Variants in ASB3 observed in about 807,000 individuals in gnomAD.
ASB3 encodes ankyrin repeat and SOCS box protein 3.
Under a neutral mutation model 54.5 loss-of-function variants are expected in ASB3, and 41 were observed. The observed-to-expected ratio is 0.75, with a 90% confidence interval of 0.59 to 0.98. The LOEUF (loss-of-function observed/expected upper bound fraction) is 0.98. Ranked by LOEUF, ASB3 falls within the 50% of genes least tolerant of loss-of-function variation. The pLI is 0.00. For synonymous variants in ASB3, 266 were observed against 221.2 expected, an observed-to-expected ratio of 1.20 and a Z score of -1.80; for missense variants, 733 against 620.0, an observed-to-expected ratio of 1.18 and a Z score of -1.94.
intron 9 of ASB3, among the ~76,000 whole-genome samples, chr2:53,686,333 C>T (rs1236907120): frequency 1.3e-5 from 2 of 152,136 alleles, no homozygotes; most frequent in African/African-American, 2.4e-5. Context: ...AACCAAGGAC[C>T]ATGAACTCTG....
intron 7 of ASB3, among the ~76,000 whole-genome samples, chr2:53,711,605 T>A (rs1175066815): frequency 6.6e-6 from 1 of 152,056 alleles, no homozygotes; most frequent in Admixed American, 6.5e-5. Context: ...TGAAATCCCA[T>A]CTCTTTTAAA....
intron 9 of ASB3, among the ~76,000 whole-genome samples, chr2:53,685,656 A>C (rs1668594424): frequency 6.6e-6 from 1 of 152,234 alleles, no homozygotes; most frequent in Non-Finnish European, 1.5e-5. Flanking sequence ...GATGAGGATT[A>C]TGGCAAGTGA....
At chr2:53,783,056 A>T (rs1407157480) in intron 1 of ASB3, among the ~76,000 whole-genome samples, 1 of 152,108 alleles carries the variant, frequency 6.6e-6, no homozygotes, top group African/African-American at 2.4e-5. Context: ...TACCGGTGTG[A>T]GCCACTATGC....
intron 9 of ASB3, among the ~76,000 whole-genome samples, chr2:53,680,170 G>A (rs1558512349): frequency 6.6e-6 from 1 of 152,144 alleles, no homozygotes; most frequent in Non-Finnish European, 1.5e-5. Context: ...TTGATTCCAT[G>A]TCTTTGTTAC....
At chr2:53,739,387 G>C (rs1206277242) in intron 3 of ASB3, among the ~76,000 whole-genome samples, 2 of 152,130 alleles carry the variant, frequency 1.3e-5, no homozygotes, top group Non-Finnish European at 2.9e-5. Context: ...GAGAAATATG[G>C]TAGACCTATA....
Position 53,729,405 on chromosome 2 carries a change from G to A in ASB3, c.468+53C>T, listed in dbSNP as rs1002386658. 3.2e-6 allele frequency: 5 copies of A among 1,583,116 alleles called. No homozygotes were observed. The African/African-American group carries it at 6.8e-5, about 21-fold the overall frequency. ...AAACTGCATAGGACTGTCATTTTAA[G>A]AGGGTAAAACACACAATTTACATGG... On this transcript the variant is annotated intron_variant, in intron 4 of 9. Coordinates refer to ENST00000263634, the MANE Select transcript of ASB3 (RefSeq NM_016115.5).
intron 3 of ASB3, among the ~76,000 whole-genome samples, chr2:53,745,397 G>T (rs549931442): frequency 1.3e-5 from 2 of 152,260 alleles, no homozygotes; most frequent in South Asian, 4.1e-4. Context: ...TTCTCGTGAG[G>T]TTTTCTCATT....
chr2:53,670,595 G>C lies in ASB3; in HGVS notation c.1465C>G (p.Pro489Ala), dbSNP rs1194476720. 12 of 1,613,794 alleles carry C rather than the reference G, an allele frequency of 7.4e-6. No homozygotes were observed. Among genetic ancestry groups the C allele is most frequent in the African/African-American group, 2.7e-5 (2 of 74,846 alleles). The change falls in exon 10 of 10, where the codon CCA becomes GCA. Residue 489 changes from proline (P) to alanine (A), a missense_variant. Coordinates refer to ENST00000263634, the MANE Select transcript of ASB3 (RefSeq NM_016115.5). Reference protein sequence around the residue: ...LRSDSYISQLPLPRSLHNYLL... With the variant: ...LRSDSYISQLALPRSLHNYLL... ...TAATTATGTAGGCTTCTGGGAAGTG[G>C]CAGCTGACTAATATAACTGTCAGAC...
intron 1 of ASB3, 66 bp from the exon 2 acceptor site, chr2:53,765,651 C>T: frequency 6.3e-7 from 1 of 1,584,894 alleles, no homozygotes; most frequent in Non-Finnish European, 8.6e-7. Context: ...TAGAGGTCAG[C>T]AAATCACGGT....
At chr2:53,675,756 T>C (rs979962873) in intron 9 of ASB3, among the ~76,000 whole-genome samples, 3 of 152,248 alleles carry the variant, frequency 2.0e-5, no homozygotes, top group Non-Finnish European at 4.4e-5. Flanking sequence ...GTGTTTTAAG[T>C]ATGTCAATGA....
intron 5 of ASB3, among the ~76,000 whole-genome samples, chr2:53,723,488 A>G (rs935662693): frequency 6.6e-6 from 1 of 152,048 alleles, no homozygotes; most frequent in Non-Finnish European, 1.5e-5. Flanking sequence ...CCCCCTTCCC[A>G]TCCTTTCCCT....
chr2:53,691,871 T>C (rs1238449872), intron 9 of ASB3, among the ~76,000 whole-genome samples: 1 of 152,098 alleles, frequency 6.6e-6, no homozygotes, highest in Non-Finnish European at 1.5e-5. Flanking sequence ...GAGAGACCAA[T>C]GTAAGCAGGA....
chr2:53,722,439 C>T (rs1670763171), intron 5 of ASB3, among the ~76,000 whole-genome samples: 1 of 152,070 alleles, frequency 6.6e-6, no homozygotes, highest in Admixed American at 6.6e-5. Context: ...AAAATATTAG[C>T]AAATTAAATC....
At chr2:53,781,594 C>T (rs1674654153) in intron 1 of ASB3, among the ~76,000 whole-genome samples, 2 of 152,104 alleles carry the variant, frequency 1.3e-5, no homozygotes, top group Admixed American at 6.5e-5. Context: ...CTCCCAGGTT[C>T]AAGTGATTCT....
intron 1 of ASB3, chr2:53,774,479 T>C: frequency 6.3e-7 from 1 of 1,586,090 alleles, no homozygotes; most frequent in Non-Finnish European, 8.5e-7. Context: ...TTGGAAAAAT[T>C]AGTAAAGGAA....
chr2:53,742,012 T>C, intron 3 of ASB3, among the ~76,000 whole-genome samples: 1 of 152,002 alleles, frequency 6.6e-6, no homozygotes, highest in Non-Finnish European at 1.5e-5. Flanking sequence ...GGTCAGGGGC[T>C]CCCTCTGAGG....
intron 7 of ASB3, among the ~76,000 whole-genome samples, chr2:53,705,253 GA>G (rs1300049030): frequency 6.6e-6 from 1 of 152,106 alleles, no homozygotes. Context: ...ATCTACCTAA[GA>G]ATATATTGGT....
intron 2 of ASB3, among the ~76,000 whole-genome samples, chr2:53,751,196 T>C (rs1672492287): frequency 6.6e-6 from 1 of 152,170 alleles, no homozygotes; most frequent in Non-Finnish European, 1.5e-5. Flanking sequence ...TTTTGGTGAA[T>C]AAGGGAAGAG....
chr2:53,678,966 G>C (rs1668226163), intron 9 of ASB3, among the ~76,000 whole-genome samples: 2 of 152,008 alleles, frequency 1.3e-5, no homozygotes, highest in African/African-American at 2.4e-5. Context: ...TATTCTTCCA[G>C]AGTTTGCTCT....
Sources: allele counts gnomAD v4.1 joint callset (sites outside exome capture counted in the v4.1 genomes callset), GRCh38; gene constraint gnomAD v4.1.1; transcripts MANE v1.5; gene names NCBI Gene and HGNC (gene_info 2026-07-23, HGNC 2026-07-21).